Variants in FSTL5 observed in about 807,000 individuals in gnomAD.
The protein encoded by FSTL5 is follistatin like 5, also known as follistatin-related protein 5.
FSTL5 carries 62 observed loss-of-function variants against 89.1 expected under a neutral mutation model. That is an observed-to-expected ratio of 0.70 (90% CI 0.57 to 0.86). The LOEUF (loss-of-function observed/expected upper bound fraction) is 0.86. Among genes scored for constraint, FSTL5 ranks in the 40% least tolerant of loss-of-function variants. The probability of loss-of-function intolerance (pLI) is 0.00; values close to 1 mark genes in which losing one functional copy is unlikely to be tolerated. For missense variants in FSTL5, 1,057 were observed against 1,001.6 expected (o/e 1.06, Z -0.75); for synonymous variants, 383 against 346.2 (o/e 1.11, Z -1.18).
intron 4 of FSTL5, among the ~76,000 whole-genome samples, chr4:161,903,489 A>G (rs991114627): frequency 2.0e-5 from 3 of 151,994 alleles, no homozygotes; most frequent in African/African-American, 7.2e-5. Flanking sequence ...AATATAGTTT[A>G]ATAAAATATC....
intron 6 of FSTL5, among the ~76,000 whole-genome samples, chr4:161,726,231 T>TTC (rs952171491): frequency 4.1e-5 from 5 of 122,426 alleles, no homozygotes; most frequent in East Asian, 4.1e-4. Context: ...CTTTTTCTTT[T>TTC]TTTTTTTTTT....
chr4:161,397,379 CAT>C (rs1313387840), intron 15 of FSTL5, among the ~76,000 whole-genome samples: 3 of 151,660 alleles, frequency 2.0e-5, no homozygotes, highest in Non-Finnish European at 4.4e-5. Flanking sequence ...TAGAAGCAAA[CAT>C]ATCATATGTA....
chr4:162,120,095 G>T (rs1381836342), intron 1 of FSTL5, among the ~76,000 whole-genome samples: 1 of 151,996 alleles, frequency 6.6e-6, no homozygotes, highest in Non-Finnish European at 1.5e-5. Context: ...TTAATTTGGA[G>T]GAACAAACTT....
At chr4:161,401,181 G>A (rs1410051368) in intron 15 of FSTL5, among the ~76,000 whole-genome samples, 5 of 152,194 alleles carry the variant, frequency 3.3e-5, no homozygotes, top group African/African-American at 1.2e-4. Flanking sequence ...CAAGGTTGAA[G>A]TAGTTGAATT....
intron 8 of FSTL5, among the ~76,000 whole-genome samples, chr4:161,559,621 C>G (rs976307778): frequency 1.3e-5 from 2 of 151,894 alleles, no homozygotes; most frequent in African/African-American, 4.8e-5. Context: ...TTCCTGTAAG[C>G]AAATTAATTC....
chr4:161,473,148 T>C (rs1317325299), intron 13 of FSTL5, among the ~76,000 whole-genome samples: 1 of 152,164 alleles, frequency 6.6e-6, no homozygotes, highest in Non-Finnish European at 1.5e-5. Context: ...TAGGGTATTC[T>C]GTATTTGTCT....
chr4:161,971,782 C>T (rs1370965381), intron 3 of FSTL5, among the ~76,000 whole-genome samples: 3 of 152,056 alleles, frequency 2.0e-5, no homozygotes, highest in Non-Finnish European at 2.9e-5. Context: ...TCCAAACAAA[C>T]AATAGTATAA....
At chr4:161,531,151 A>G (rs10019104) in intron 10 of FSTL5, among the ~76,000 whole-genome samples, 41,346 of 152,004 alleles carry the variant, frequency 0.27, 6,307 homozygotes, top group Non-Finnish European at 0.35. Flanking sequence ...ATTTTTTGTC[A>G]TTCAATTTCT....
rs1560840799 is a variant in FSTL5 at position 161,779,780 on chromosome 4, T to TC, written c.410-3707_410-3706insG. Among the ~76,000 whole-genome samples the TC allele has an allele frequency of 8.4e-3, 359 of 42,758 alleles. 12 individuals are homozygous for TC. The highest frequency in any genetic ancestry group is 0.081 in the African/African-American group (337 of 4,160). 28.1% of individuals were successfully genotyped at this position (42,758 alleles called of 152,430 possible). On this transcript the variant is annotated intron_variant, in intron 4 of 15. Transcript: ENST00000306100. Reference sequence around the variant, plus strand: ...AAAGTTATATATATATATATGTATATATATATATATATATATATATATATA... The same window carrying TC: ...AAAGTTATATATATATATATGTATATCATATATATATATATATATATATATA...
At chr4:161,408,527 A>T (rs1229520482) in intron 15 of FSTL5, among the ~76,000 whole-genome samples, 3 of 152,222 alleles carry the variant, frequency 2.0e-5, no homozygotes, top group Admixed American at 2.0e-4. Flanking sequence ...GTATCCCCTT[A>T]TCCCCAAATG....
At chr4:161,636,008 T>C (rs1735678333) in intron 7 of FSTL5, among the ~76,000 whole-genome samples, 1 of 152,022 alleles carries the variant, frequency 6.6e-6, no homozygotes, top group African/African-American at 2.4e-5. Context: ...TTTGTTCCCT[T>C]GTGTAATTTT....
intron 8 of FSTL5, among the ~76,000 whole-genome samples, chr4:161,570,316 AT>A (rs1267804515): frequency 6.6e-6 from 1 of 152,200 alleles, no homozygotes; most frequent in African/African-American, 2.4e-5. Flanking sequence ...ACTGAGACTT[AT>A]GGAGATCTGG....
chr4:162,052,099 T>G (rs1034193329), intron 2 of FSTL5, among the ~76,000 whole-genome samples: 1 of 151,576 alleles, frequency 6.6e-6, no homozygotes, highest in Non-Finnish European at 1.5e-5. Flanking sequence ...AAATGTAGAA[T>G]GAATATAACT....
intron 1 of FSTL5, among the ~76,000 whole-genome samples, chr4:162,115,864 T>C (rs1731617992): frequency 6.6e-6 from 1 of 152,130 alleles, no homozygotes. Flanking sequence ...ATTTAGTAGA[T>C]TCAAATTTGA....
At position 161,574,339 on chromosome 4, in the gene FSTL5, T is replaced by C. The variant is rs184277060; in HGVS notation, c.1015+13116A>G. 3.1e-3 allele frequency among the ~76,000 whole-genome samples: 459 copies of C among 148,910 alleles called. 1 individual carries two copies. The highest frequency in any genetic ancestry group is 5.7e-3 in the Admixed American group (84 of 14,804). On this transcript the variant is annotated intron_variant, in intron 8 of 15. Transcript: ENST00000306100. Reference sequence around the variant, plus strand: ...AAACATGACTTTCCTTTTTCTTTTTTTTTTCTTTTTTTTTTTTAAATTTTA... The same window carrying C: ...AAACATGACTTTCCTTTTTCTTTTTCTTTTCTTTTTTTTTTTTAAATTTTA...
At chr4:161,479,264 G>T (rs1729416508) in intron 13 of FSTL5, among the ~76,000 whole-genome samples, 1 of 151,656 alleles carries the variant, frequency 6.6e-6, no homozygotes, top group Admixed American at 6.6e-5. Context: ...AAATAATACA[G>T]TTTATGTAAT....
intron 2 of FSTL5, among the ~76,000 whole-genome samples, chr4:162,099,795 C>T (rs1730915096): frequency 6.6e-6 from 1 of 152,146 alleles, no homozygotes; most frequent in Non-Finnish European, 1.5e-5. Context: ...CAAAGATACA[C>T]AATTGACAAA....
At chr4:161,997,930 T>C (rs982064694) in intron 3 of FSTL5, among the ~76,000 whole-genome samples, 6 of 152,058 alleles carry the variant, frequency 3.9e-5, no homozygotes, top group Non-Finnish European at 5.9e-5. Flanking sequence ...TCTATATGAA[T>C]ATATAGAGGT....
At chr4:161,694,080 T>C (rs920743810) in intron 6 of FSTL5, among the ~76,000 whole-genome samples, 1 of 140,210 alleles carries the variant, frequency 7.1e-6, no homozygotes, top group Non-Finnish European at 1.6e-5. Flanking sequence ...AACCAACTTT[T>C]AGGTTTATCT....
Sources: allele counts gnomAD v4.1 joint callset (sites outside exome capture counted in the v4.1 genomes callset), GRCh38; gene constraint gnomAD v4.1.1; transcripts MANE v1.5; gene names NCBI Gene and HGNC (gene_info 2026-07-23, HGNC 2026-07-21).